The following PTCHD4 variants were observed in gnomAD, a reference collection of about 807,000 sequenced individuals.
PTCHD4 encodes the protein patched domain-containing protein 4.
A neutral mutation model predicts 58.1 loss-of-function variants in PTCHD4; 33 were observed. The observed-to-expected ratio is 0.57, with a 90% CI of 0.43 to 0.76. The LOEUF is 0.76. PTCHD4 is among the 30% of genes least tolerant of loss of function. The pLI is 0.00. For missense variants in PTCHD4, 1,058 were observed against 1,027.1 expected, an observed-to-expected ratio of 1.03 and a Z score of -0.41; for synonymous variants, 478 against 409.6, an observed-to-expected ratio of 1.17 and a Z score of -2.02.
chr6:47,959,672 C>G (rs1366021784), intron 4 of PTCHD4, among the ~76,000 whole-genome samples: 1 of 151,692 alleles, frequency 6.6e-6, no homozygotes, highest in Non-Finnish European at 1.5e-5. Context: ...GGCAATAGGA[C>G]ATATTATATA....
chr6:47,916,030 G>A (rs1319401931), intron 4 of PTCHD4, among the ~76,000 whole-genome samples: 1 of 152,140 alleles, frequency 6.6e-6, no homozygotes, highest in African/African-American at 2.4e-5. Context: ...AGAGTGTGAT[G>A]TGTGTTCATG....
chr6:48,095,950 TA>T (rs1049818602), intron 1 of PTCHD4, among the ~76,000 whole-genome samples: 8 of 151,218 alleles, frequency 5.3e-5, no homozygotes, highest in Non-Finnish European at 7.4e-5. Flanking sequence ...CTCACACATT[TA>T]AAAAAAAAGA....
At position 47,867,141 on chromosome 6, in the gene PTCHD4, A is replaced by G. The variant is rs192412186; in HGVS notation, c.*11162T>C. On this transcript the variant is annotated 3_prime_UTR_variant, in exon 5 of 5. Coordinates refer to ENST00000339488, the MANE Select transcript of PTCHD4 (RefSeq NM_001384253.1). The stretch of plus-strand genomic sequence containing the variant: ...ATTATTTGAATTGTTAATTAAAATA[A>G]TATTAACAGAGATAGTTAATTGGAG... 8.3e-4 allele frequency among the ~76,000 whole-genome samples: 126 copies of G among 151,936 alleles called. No homozygotes were observed. The highest frequency in any genetic ancestry group is 2.9e-3 in the African/African-American group (119 of 41,508).
At chr6:47,906,617 C>T (rs1380741751) in intron 4 of PTCHD4, among the ~76,000 whole-genome samples, 1 of 152,162 alleles carries the variant, frequency 6.6e-6, no homozygotes, top group Non-Finnish European at 1.5e-5. Context: ...CTTGCTTGCC[C>T]AAAACCCAAT....
In PTCHD4 at chr6:47,877,975, TC is replaced by T. The variant is rs1763891748; in HGVS notation, c.*327del. 5.2e-6 allele frequency: 1 copy of T among 191,192 alleles called. No individual in the cohort carries two copies. The highest frequency in any genetic ancestry group is 1.6e-4 in the South Asian group (1 of 6,128). The allele number at this position is 191,192 out of a possible 1,614,324, so 11.8% of individuals were successfully genotyped here. ...ACACCTTTCCTTGCTTCTCCATCACTCCTAAGCATTTTATTTTTAAAAGAAG... is the reference window on the plus strand; with the variant it reads ...ACACCTTTCCTTGCTTCTCCATCACTCTAAGCATTTTATTTTTAAAAGAAG... On this transcript the variant is annotated 3_prime_UTR_variant, in exon 5 of 5. Transcript: ENST00000339488.
At chr6:48,091,771 G>A (rs1159608068) in intron 1 of PTCHD4, among the ~76,000 whole-genome samples, 2 of 151,806 alleles carry the variant, frequency 1.3e-5, no homozygotes, top group Non-Finnish European at 2.9e-5. Context: ...TTAGACTCCT[G>A]AGTAGCTGGG....
intron 3 of PTCHD4, among the ~76,000 whole-genome samples, chr6:48,037,394 G>T (rs1763679096): frequency 6.6e-6 from 1 of 152,148 alleles, no homozygotes; most frequent in Non-Finnish European, 1.5e-5. Flanking sequence ...TGCATCCCTT[G>T]TGGATAAGCG....
chr6:47,866,593 A>T lies in PTCHD4; in HGVS notation c.*11710T>A, dbSNP rs1763568190. On this transcript the variant is annotated 3_prime_UTR_variant, in exon 5 of 5. Transcript: ENST00000339488. ...TTGGAAAATGGGGCCTCCCCAGGCC[A>T]ACTCCAACCTTATCTATAACTCTAA... Among the ~76,000 whole-genome samples, 1 of 151,868 alleles carries T rather than the reference A, an allele frequency of 6.6e-6. No individual in the cohort carries two copies. The highest frequency in any genetic ancestry group is 1.5e-5 in the Non-Finnish European group (1 of 67,866).
rs1297426398 is a variant in PTCHD4 at position 47,879,824 on chromosome 6, A to G, written c.1011T>C (p.Tyr337=). The G allele has an allele frequency of 1.2e-6, 2 of 1,613,056 alleles. No individual in the cohort carries two copies. The highest frequency in any genetic ancestry group is 1.1e-5 in the South Asian group (1 of 90,886). The change falls in exon 5 of 5, where the codon TAT becomes TAC. Residue 337 remains tyrosine (Y), a synonymous_variant. Transcript: ENST00000339488. The stretch of plus-strand genomic sequence containing the variant: ...TGAAGTACAGGGAGCTGGTCATGGT[A>G]TAGGTGACCATCACATCAGAATAGG... The part of the protein sequence containing the change: ...ADAYSDVMVT[Y]TMTSSLYFIT...
At chr6:48,108,206 G>A (rs1201206574) in intron 1 of PTCHD4, among the ~76,000 whole-genome samples, 2 of 152,126 alleles carry the variant, frequency 1.3e-5, no homozygotes, top group Admixed American at 6.5e-5. Context: ...CAACCCAAAT[G>A]TCCAACAATG....
At chr6:47,997,923 C>G (rs1365927754) in intron 4 of PTCHD4, among the ~76,000 whole-genome samples, 1 of 152,112 alleles carries the variant, frequency 6.6e-6, no homozygotes, top group Non-Finnish European at 1.5e-5. Context: ...ATAATACTGG[C>G]TTGAAAGATA....
chr6:47,897,940 CTTTTTTTTT>C (rs67063892), intron 4 of PTCHD4, among the ~76,000 whole-genome samples: 1 of 76,356 alleles, frequency 1.3e-5, no homozygotes. Flanking sequence ...TTCTTTCTTT[CTTTTTTTTT>C]TTTTTTTTTT....
chr6:47,970,208 T>C (rs557557776), intron 4 of PTCHD4, among the ~76,000 whole-genome samples: 1 of 152,308 alleles, frequency 6.6e-6, no homozygotes, highest in East Asian at 1.9e-4. Context: ...AGCACATGCA[T>C]TTAAGTCTGC....
At chr6:48,055,885 A>G (rs1764389998) in intron 3 of PTCHD4, among the ~76,000 whole-genome samples, 1 of 152,178 alleles carries the variant, frequency 6.6e-6, no homozygotes, top group Admixed American at 6.5e-5. Context: ...CCTACATTGA[A>G]TTGTACGGAA....
intron 1 of PTCHD4, among the ~76,000 whole-genome samples, chr6:48,070,283 G>T (rs553902901): frequency 2.0e-5 from 3 of 152,156 alleles, no homozygotes; most frequent in South Asian, 4.2e-4. Context: ...GAGATGTTCT[G>T]TGCACAATTT....
intron 4 of PTCHD4, among the ~76,000 whole-genome samples, chr6:47,946,610 A>G (rs767899631): frequency 6.6e-6 from 1 of 152,304 alleles, no homozygotes; most frequent in Admixed American, 6.5e-5. Context: ...AACAGCATAT[A>G]GTTGTATTTA....
At chr6:48,086,682 C>T (rs532216816) in intron 1 of PTCHD4, among the ~76,000 whole-genome samples, 3 of 151,950 alleles carry the variant, frequency 2.0e-5, no homozygotes, top group South Asian at 2.1e-4. Context: ...TAAAAAGTGG[C>T]GTTTGCATTT....
intron 4 of PTCHD4, among the ~76,000 whole-genome samples, chr6:47,954,420 A>C (rs1019299389): frequency 2.0e-5 from 3 of 152,184 alleles, no homozygotes; most frequent in African/African-American, 7.2e-5. Flanking sequence ...GATGATCCTA[A>C]ACTTTTCCTT....
At chr6:48,093,437 G>A (rs1194015341) in intron 1 of PTCHD4, among the ~76,000 whole-genome samples, 1 of 151,936 alleles carries the variant, frequency 6.6e-6, no homozygotes, top group African/African-American at 2.4e-5. Flanking sequence ...AAAGTTAACT[G>A]TTTTTTCTTT....
Sources: allele counts gnomAD v4.1 joint callset (sites outside exome capture counted in the v4.1 genomes callset), GRCh38; gene constraint gnomAD v4.1.1; transcripts MANE v1.5; gene names NCBI Gene and HGNC (gene_info 2026-07-23, HGNC 2026-07-21).